IGF2: variants seen among roughly 807,000 people sequenced by gnomAD.
The protein encoded by IGF2 is insulin like growth factor 2.
In IGF2, 2 loss-of-function variants were observed where a neutral mutation model predicts 12.0. The observed-to-expected ratio is 0.17, with a 90% CI of 0.07 to 0.52. The LOEUF is 0.52. IGF2 is among the 20% of genes least tolerant of loss of function. The pLI, the probability that IGF2 is intolerant of heterozygous loss-of-function variation, is 0.95. For missense variants in IGF2, 211 were observed against 268.0 expected, an observed-to-expected ratio of 0.79 and a Z score of 1.48; for synonymous variants, 105 against 110.1, an observed-to-expected ratio of 0.95 and a Z score of 0.29.
At chr11:2,139,760 G>A (rs1433968890), upstream of IGF2, among the ~76,000 whole-genome samples, 2 of 151,916 alleles carry the variant, frequency 1.3e-5, no homozygotes, top group African/African-American at 2.4e-5. Flanking sequence ...CGGGCAGGCA[G>A]GGGCAGGCGG....
the IGF2 span, chr11:2,148,829 A>T: frequency 4.5e-6 from 2 of 440,552 alleles, no homozygotes; most frequent in African/African-American, 4.0e-5. The surrounding 1 kb of genome is among the most constrained non-coding windows in gnomAD (Gnocchi z 4.3). Flanking sequence ...CTCCTCCCCT[A>T]CCCCTCCCAT....
upstream of IGF2, among the ~76,000 whole-genome samples, chr11:2,143,773 A>G (rs1020838828): frequency 6.6e-6 from 1 of 152,264 alleles, no homozygotes; most frequent in African/African-American, 2.4e-5. Flanking sequence ...TATTTAGAAG[A>G]CTTGGGAAGC....
At chr11:2,148,944 C>T in the IGF2 span, 12 of 615,196 alleles carry the variant, frequency 2.0e-5, no homozygotes, top group Non-Finnish European at 3.2e-5. The surrounding 1 kb of genome is among the most constrained non-coding windows in gnomAD (Gnocchi z 4.3). Flanking sequence ...CTTTCCTGCA[C>T]ACCCCATCCC....
chr11:2,148,024 T>C, the IGF2 span: 2 of 396,818 alleles, frequency 5.0e-6, no homozygotes, highest in Non-Finnish European at 4.4e-6. The surrounding 1 kb of genome is among the most constrained non-coding windows in gnomAD (Gnocchi z 4.3). Context: ...GTGAGAAGTT[T>C]GCCTAGAAAG....
In IGF2 at chr11:2,132,695, T is replaced by G; in HGVS notation, c.*292A>C. 1 of 275,596 alleles carries G rather than the reference T, an allele frequency of 3.6e-6. No homozygotes were observed. 17.1% of individuals were successfully genotyped at this position (275,596 alleles called of 1,614,324 possible). On this transcript the variant is annotated 3_prime_UTR_variant, in exon 4 of 4. Transcript: ENST00000416167. Reference sequence around the variant, plus strand: ...AGGGGGTTAGTTTAATGTTTTGATTTTTTATGTGTGGGGATAATTGGGGAT... The same window carrying G: ...AGGGGGTTAGTTTAATGTTTTGATTGTTTATGTGTGGGGATAATTGGGGAT...
At chr11:2,146,479 C>G in the IGF2 span, 1 of 500,864 alleles carries the variant, frequency 2.0e-6, no homozygotes, top group African/African-American at 1.9e-5. Flanking sequence ...CCCTCCACAC[C>G]AGACAGCACA....
At position 2,132,977 on chromosome 11, in the gene IGF2, G is replaced by A. The variant is rs1168185739; in HGVS notation, c.*10C>T. ...GGTGGCGCCGGGCTGCAGACTTGCGGCAGTTTTGCTCACTTCCGATTGCTG... is the reference window on the plus strand; with the variant it reads ...GGTGGCGCCGGGCTGCAGACTTGCGACAGTTTTGCTCACTTCCGATTGCTG... On this transcript the variant is annotated 3_prime_UTR_variant, in exon 4 of 4. Coordinates refer to ENST00000416167, the MANE Select transcript of IGF2 (RefSeq NM_000612.6). 2.7e-6 allele frequency: 4 copies of A among 1,486,188 alleles called. No individual in the cohort carries two copies. The highest frequency in any genetic ancestry group is 2.8e-5 in the African/African-American group (2 of 70,304). 92.1% of individuals were successfully genotyped at this position (1,486,188 alleles called of 1,614,324 possible). A position where few individuals can be genotyped will look rare whatever the true frequency, so the allele number is the denominator to read the frequency against.
Position 2,130,907 on chromosome 11 carries a change from TG to T in IGF2, c.*2079del. The T allele has an allele frequency of 1.9e-5, 4 of 209,582 alleles. No individual in the cohort carries two copies. The highest frequency in any genetic ancestry group is 1.4e-4 in the East Asian group (2 of 14,002). 13.0% of individuals were successfully genotyped at this position (209,582 alleles called of 1,614,324 possible). A position where few individuals can be genotyped will look rare whatever the true frequency, so the allele number is the denominator to read the frequency against. Reference sequence around the variant, plus strand: ...AAGATGATCCCTAGGTGTGCTCCGGTGGGGGGGTCCCCAAGATCTTCCTTCC... The same window carrying T: ...AAGATGATCCCTAGGTGTGCTCCGGTGGGGGGTCCCCAAGATCTTCCTTCC... On this transcript the variant is annotated 3_prime_UTR_variant, in exon 4 of 4. Coordinates refer to ENST00000416167, the MANE Select transcript of IGF2 (RefSeq NM_000612.6).
chr11:2,138,681 C>T lies in IGF2; in HGVS notation c.-459G>A. ...GTGTAATTAATCCACTTTGGTTCGG[C>T]GAAGGCGAGAGGGCGGGCGTGAGGG... On this transcript the variant is annotated 5_prime_UTR_variant, in exon 1 of 4. Coordinates refer to ENST00000416167, the MANE Select transcript of IGF2 (RefSeq NM_000612.6). The T allele has an allele frequency of 3.2e-6, 3 of 947,068 alleles. No individual in the cohort carries two copies. Among genetic ancestry groups the T allele is most frequent in the Non-Finnish European group, 3.7e-6 (3 of 816,404 alleles). The allele number at this position is 947,068 out of a possible 1,614,324, so 58.7% of individuals were successfully genotyped here.
chr11:2,142,782 C>T (rs568908880), upstream of IGF2, among the ~76,000 whole-genome samples: 1 of 152,324 alleles, frequency 6.6e-6, no homozygotes, highest in South Asian at 2.1e-4. This position sits in a 1 kb window ranked among gnomAD's most constrained non-coding sequence, Gnocchi z 5.7. Flanking sequence ...TTAGCAACAC[C>T]TGGCATAACA....
At chr11:2,136,170 A>G (rs781239614) in intron 1 of IGF2, among the ~76,000 whole-genome samples, 2 of 152,166 alleles carry the variant, frequency 1.3e-5, no homozygotes, top group East Asian at 1.9e-4. Flanking sequence ...AAGGACTCCA[A>G]TGGTTAACAC....
chr11:2,137,450 G>A (rs1227271945), intron 1 of IGF2: 1 of 156,878 alleles, frequency 6.4e-6, no homozygotes, highest in Non-Finnish European at 1.4e-5. Flanking sequence ...CCCCCAACCG[G>A]GAGCCCTGGA....
In IGF2 at chr11:2,132,807, T is replaced by C. The variant is rs6223; in HGVS notation, c.*180A>G. 26 of 550,640 alleles carry C rather than the reference T, an allele frequency of 4.7e-5. 1 individual carries two copies. In the African/African-American group the frequency reaches 4.8e-4, roughly 10 times the overall value. 34.1% of individuals were successfully genotyped at this position (550,640 alleles called of 1,614,324 possible). A position where few individuals can be genotyped will look rare whatever the true frequency, so the allele number is the denominator to read the frequency against. On this transcript the variant is annotated 3_prime_UTR_variant, in exon 4 of 4. Coordinates refer to ENST00000416167, the MANE Select transcript of IGF2 (RefSeq NM_000612.6). ...ATGCTGCTGTGCTTCCTCAGCCCGA[T>C]GGAGGGGGCCGAGGAGAGTAGCCTG...
chr11:2,138,963 G>A lies in IGF2; in HGVS notation c.-741C>T, dbSNP rs1859320516. 1.1e-5 allele frequency: 11 copies of A among 981,934 alleles called. No individual in the cohort carries two copies. The highest frequency in any genetic ancestry group is 1.3e-5 in the Non-Finnish European group (11 of 827,214). The allele number at this position is 981,934 out of a possible 1,614,324, so 60.8% of individuals were successfully genotyped here. The stretch of plus-strand genomic sequence containing the variant: ...GCCGTCGCGAGCCCGGGCCTCGGGA[G>A]GGGGACAGGCGGTGGCGGCACCGGG... On this transcript the variant is annotated 5_prime_UTR_variant, in exon 1 of 4. Coordinates refer to ENST00000416167, the MANE Select transcript of IGF2 (RefSeq NM_000612.6).
Position 2,132,901 on chromosome 11 carries a change from T to C in IGF2, c.*86A>G. ...AGGGGGACGTGGAACCGAGAGATTT[T>C]CGGGATGGAACCTGATGGAAACGTC... On this transcript the variant is annotated 3_prime_UTR_variant, in exon 4 of 4. Transcript: ENST00000416167. The C allele has an allele frequency of 1.1e-6, 1 of 945,084 alleles. No individual in the cohort carries two copies. The highest frequency in any genetic ancestry group is 1.6e-6 in the Non-Finnish European group (1 of 632,288). 58.5% of individuals were successfully genotyped at this position (945,084 alleles called of 1,614,324 possible).
chr11:2,139,998 C>T, upstream of IGF2: 1 of 755,644 alleles, frequency 1.3e-6, no homozygotes, highest in African/African-American at 1.9e-5. Context: ...GCGCCGGAGC[C>T]CCGGAGCCCC....
chr11:2,134,245 C>G (rs115976511), intron 2 of IGF2: 1 of 439,798 alleles, frequency 2.3e-6, no homozygotes, highest in Non-Finnish European at 4.6e-6. Flanking sequence ...AGGGGAAGGT[C>G]GCTGGGGGCT....
Position 2,129,957 on chromosome 11 carries a change from G to A in IGF2, c.*3030C>T, listed in dbSNP as rs1858419625. The A allele has an allele frequency of 4.3e-6, 1 of 231,600 alleles. No individual in the cohort carries two copies. Among genetic ancestry groups the A allele is most frequent in the Non-Finnish European group, 8.5e-6 (1 of 117,040 alleles). 14.3% of individuals were successfully genotyped at this position (231,600 alleles called of 1,614,324 possible). A position where few individuals can be genotyped will look rare whatever the true frequency, so the allele number is the denominator to read the frequency against. On this transcript the variant is annotated 3_prime_UTR_variant, in exon 4 of 4. Coordinates refer to ENST00000416167, the MANE Select transcript of IGF2 (RefSeq NM_000612.6). The surrounding 1 kb of genome is among the most constrained non-coding windows in gnomAD (Gnocchi z 8.1). ...GCAGACCTGGCAGCTCTCCTGCTCTGTGGGCTCAGACCCGCCTGACCTCCC... is the reference window on the plus strand; with the variant it reads ...GCAGACCTGGCAGCTCTCCTGCTCTATGGGCTCAGACCCGCCTGACCTCCC...
At chr11:2,139,818 G>T (rs1468904136), upstream of IGF2, among the ~76,000 whole-genome samples, 1 of 151,884 alleles carries the variant, frequency 6.6e-6, no homozygotes, top group Non-Finnish European at 1.5e-5. Context: ...CGCCCCGTCT[G>T]AGTGCAGATG....
Sources: allele counts gnomAD v4.1 joint callset (sites outside exome capture counted in the v4.1 genomes callset), GRCh38; gene constraint gnomAD v4.1.1; non-coding constraint Gnocchi (gnomAD v3.1); transcripts MANE v1.5; gene names NCBI Gene and HGNC (gene_info 2026-07-23, HGNC 2026-07-21).